Variants in CD200R1L observed in about 807,000 individuals in gnomAD.
CD200R1L encodes CD200 receptor 1 like, also known as cell surface glycoprotein CD200 receptor 2.
A neutral mutation model predicts 24.8 loss-of-function variants in CD200R1L; 14 were observed. The ratio of observed to expected loss-of-function variants is 0.56; its 90% CI spans 0.37 to 0.88. The LOEUF (loss-of-function observed/expected upper bound fraction) is 0.88. Ranked by LOEUF, CD200R1L falls within the 40% of genes least tolerant of loss-of-function variation. The pLI is 0.00. For missense variants in CD200R1L, 299 were observed against 297.8 expected (o/e 1.00, Z -0.03); for synonymous variants, 111 against 109.2 (o/e 1.02, Z -0.11).
Position 112,827,098 on chromosome 3 carries a change from CT to C in CD200R1L, c.510del (p.Val171Ter), listed in dbSNP as rs770484174. Reference protein sequence around the residue: ...ATKQEYWGNGTVTVKSTCPWE... With the variant: ...ATKQEYWGNGXVTVKSTCPWE... ...CAGGGGCATGTACTCTTAACCGTCA[CT>C]GTGCCATTGCCCCAGTATTCTTGCT... On this transcript the variant is annotated frameshift_variant, in exon 6 of 8. Coordinates refer to ENST00000488794, the MANE Select transcript of CD200R1L (RefSeq NM_001199215.3). LOFTEE classifies it high-confidence loss of function. 132 of 1,613,460 alleles carry C rather than the reference CT, an allele frequency of 8.2e-5. No individual in the cohort carries two copies. Among genetic ancestry groups the C allele is most frequent in the Admixed American group, 4.3e-4 (26 of 60,020 alleles).
intron 4 of CD200R1L, among the ~76,000 whole-genome samples, chr3:112,828,051 A>C (rs1938710208): frequency 6.6e-6 from 1 of 152,210 alleles, no homozygotes; most frequent in African/African-American, 2.4e-5. Context: ...TCTAATCTTT[A>C]GGTGGTAGAG....
chr3:112,842,076 G>A (rs1467511210), intron 2 of CD200R1L, among the ~76,000 whole-genome samples: 1 of 152,230 alleles, frequency 6.6e-6, no homozygotes, highest in Non-Finnish European at 1.5e-5. Context: ...GAACACCTCA[G>A]TGATCTAGAC....
intron 6 of CD200R1L, among the ~76,000 whole-genome samples, chr3:112,823,400 T>C (rs1487431391): frequency 1.3e-5 from 2 of 152,240 alleles, no homozygotes; most frequent in Non-Finnish European, 2.9e-5. Flanking sequence ...ATCTGGGACT[T>C]GTGACTGGTG....
At position 112,819,946 on chromosome 3, in the gene CD200R1L, CA is replaced by C. The variant is rs747611767; in HGVS notation, c.617-52del. On this transcript the variant is annotated intron_variant, in intron 6 of 7. Coordinates refer to ENST00000488794, the MANE Select transcript of CD200R1L (RefSeq NM_001199215.3). ...ATCATTTCAAGCATTCTTCTAGTTA[CA>C]AATTAGAGTCAATCATTTTAAAGAA... 26 of 1,487,412 alleles carry C rather than the reference CA, an allele frequency of 1.7e-5. No homozygotes were observed. The Admixed American group carries it at 6.1e-4, about 35-fold the overall frequency. 92.1% of individuals were successfully genotyped at this position (1,487,412 alleles called of 1,614,324 possible).
chr3:112,832,128 C>T (rs1239233765), intron 3 of CD200R1L, among the ~76,000 whole-genome samples: 2 of 152,126 alleles, frequency 1.3e-5, no homozygotes, highest in African/African-American at 2.4e-5. Context: ...GAACCTATGA[C>T]CATGTGTTTA....
At chr3:112,822,560 G>T (rs1007395902) in intron 6 of CD200R1L, among the ~76,000 whole-genome samples, 5 of 152,186 alleles carry the variant, frequency 3.3e-5, no homozygotes, top group African/African-American at 1.2e-4. Context: ...ACACTGAGGG[G>T]CTGGGAGGTT....
chr3:112,829,226 A>G, intron 4 of CD200R1L, 93 bp downstream of exon 4: 1 of 934,902 alleles, frequency 1.1e-6, no homozygotes, highest in South Asian at 1.4e-5. Flanking sequence ...AGTAGTCACA[A>G]GGCTGGCCTC....
intron 6 of CD200R1L, among the ~76,000 whole-genome samples, chr3:112,821,080 A>G (rs1473948586): frequency 4.6e-5 from 7 of 151,632 alleles, no homozygotes; most frequent in Non-Finnish European, 5.9e-5. Context: ...AAAGTAAAGT[A>G]AAAAAGAGAA....
chr3:112,839,788 C>T (rs77077729), intron 2 of CD200R1L, among the ~76,000 whole-genome samples: 14,468 of 152,168 alleles, frequency 0.095, 874 homozygotes, highest in African/African-American at 0.16. Flanking sequence ...ATAGAAGCAG[C>T]CCTCCCACCC....
chr3:112,839,106 A>G (rs1395383365), intron 2 of CD200R1L, among the ~76,000 whole-genome samples: 1 of 152,048 alleles, frequency 6.6e-6, no homozygotes, highest in Non-Finnish European at 1.5e-5. Context: ...TACTTTCCAT[A>G]CTTTCTACTC....
chr3:112,829,336 G>A lies in CD200R1L; in HGVS notation c.32C>T (p.Ser11Leu). ...CATATTACCTTCTGCAAAAATTGTT[G>A]AATAGTTCTGTGTCATCTGCTTTCC... Reference protein sequence around the residue: MGGKQMTQNYSTIFAEGNISQ... With the variant: MGGKQMTQNYLTIFAEGNISQ... Residue 11 changes from serine to leucine, a missense_variant, in exon 4 of 8, where the codon TCA becomes TTA. By Grantham distance (145) the Ser-to-Leu change is moderately radical. Transcript: ENST00000488794. 4 of 1,613,898 alleles carry A rather than the reference G, an allele frequency of 2.5e-6. No homozygotes were observed. Among genetic ancestry groups the A allele is most frequent in the Non-Finnish European group, 3.4e-6 (4 of 1,179,808 alleles).
chr3:112,828,400 A>T (rs1028179265), intron 4 of CD200R1L, among the ~76,000 whole-genome samples: 2 of 152,256 alleles, frequency 1.3e-5, no homozygotes, highest in African/African-American at 2.4e-5. Context: ...AAGTAAAAAA[A>T]AATGCCTAGT....
intron 7 of CD200R1L, among the ~76,000 whole-genome samples, chr3:112,816,263 G>A (rs1938387989): frequency 6.6e-6 from 1 of 152,140 alleles, no homozygotes; most frequent in South Asian, 2.1e-4. Context: ...TTTAGGGGAT[G>A]GCTGACTATT....
intron 7 of CD200R1L, among the ~76,000 whole-genome samples, chr3:112,818,987 A>G (rs1244794153): frequency 6.6e-6 from 1 of 152,228 alleles, no homozygotes; most frequent in Non-Finnish European, 1.5e-5. Flanking sequence ...TCACAGTTCC[A>G]CATGGCTTAG....
chr3:112,835,783 C>T (rs1435045574), intron 3 of CD200R1L, among the ~76,000 whole-genome samples: 2 of 152,216 alleles, frequency 1.3e-5, no homozygotes, highest in African/African-American at 4.8e-5. Flanking sequence ...CTGGAGGGGG[C>T]CAAGGTGGCA....
Position 112,846,830 on chromosome 3 carries a change from A to G in CD200R1L, c.-564T>C, listed in dbSNP as rs1939209322. On this transcript the variant is annotated 5_prime_UTR_variant, in exon 1 of 8. Coordinates refer to ENST00000488794, the MANE Select transcript of CD200R1L (RefSeq NM_001199215.3). ...GCATACACAGGAACACCATGTGAAGATAAAAGGCAGAGATCTGAGTGATGT... is the reference window on the plus strand; with the variant it reads ...GCATACACAGGAACACCATGTGAAGGTAAAAGGCAGAGATCTGAGTGATGT... 6.6e-6 allele frequency: 1 copy of G among 152,258 alleles called. No individual in the cohort carries two copies. The highest frequency in any genetic ancestry group is 1.5e-5 in the Non-Finnish European group (1 of 68,044). 9.4% of individuals were successfully genotyped at this position (152,258 alleles called of 1,614,324 possible). A position where few individuals can be genotyped will look rare whatever the true frequency, so the allele number is the denominator to read the frequency against.
At chr3:112,825,065 G>A (rs1459986686) in intron 6 of CD200R1L, among the ~76,000 whole-genome samples, 10 of 151,994 alleles carry the variant, frequency 6.6e-5, no homozygotes, top group African/African-American at 2.4e-4. Flanking sequence ...GTGAAACCCC[G>A]TCTCTACAAA....
intron 5 of CD200R1L, 27 bp from the exon 6 acceptor site, chr3:112,827,268 T>A: frequency 6.3e-7 from 1 of 1,591,514 alleles, no homozygotes; most frequent in South Asian, 1.1e-5. Flanking sequence ...GGGAAAAAAA[T>A]GCTTCAGTTT....
At chr3:112,832,820 A>G (rs1247248677) in intron 3 of CD200R1L, among the ~76,000 whole-genome samples, 1 of 152,224 alleles carries the variant, frequency 6.6e-6, no homozygotes, top group Non-Finnish European at 1.5e-5. Context: ...TAGAGAGTAT[A>G]TAAATATGGT....
Sources: allele counts gnomAD v4.1 joint callset (sites outside exome capture counted in the v4.1 genomes callset), GRCh38; gene constraint gnomAD v4.1.1; transcripts MANE v1.5; gene names NCBI Gene and HGNC (gene_info 2026-07-23, HGNC 2026-07-21).